C17orf67: variants seen among roughly 807,000 people sequenced by gnomAD.
C17orf67 encodes uncharacterized protein C17orf67.
Under a neutral mutation model 11.2 loss-of-function variants are expected in C17orf67, and 12 were observed. That is an observed-to-expected ratio of 1.07 (90% CI 0.68 to 1.73). The LOEUF is 1.73. Among genes scored for constraint, C17orf67 ranks in the 40% most tolerant of loss-of-function variants. C17orf67 has a pLI of 0.00. For missense variants in C17orf67, 115 were observed against 113.5 expected, an observed-to-expected ratio of 1.01 and a Z score of -0.06; for synonymous variants, 59 against 46.9, an observed-to-expected ratio of 1.26 and a Z score of -1.05.
chr17:56,815,804 T>C lies in C17orf67; in HGVS notation c.7A>G (p.Thr3Ala), dbSNP rs752802870. The C allele has an allele frequency of 8.7e-6, 14 of 1,613,946 alleles. No homozygotes were observed. In the Admixed American group the frequency reaches 1.5e-4, roughly 17 times the overall value. The change falls in exon 5 of 8, where the codon ACA becomes GCA. Residue 3 changes from threonine to alanine, a missense_variant. Physicochemically the swap from Thr to Ala is moderately conservative, Grantham distance 58 (BLOSUM62 0). Transcript: ENST00000397861. Reference sequence around the variant, plus strand: ...AGAGACAGCACGAGCACAGGCAATGTCTTCATCCTGCCTTGGTTCCTCTGC... The same window carrying C: ...AGAGACAGCACGAGCACAGGCAATGCCTTCATCCTGCCTTGGTTCCTCTGC... MK[T>A]LPVLVLSLTL...
chr17:56,830,621 A>AT lies in C17orf67; in HGVS notation c.-557+2276dup, dbSNP rs1057193819. Reference sequence around the variant, plus strand: ...CTCAATTAGCCACCACGCCTGGCTAATTTTTTTTTTGTATTTATACATTTT... The same window carrying AT: ...CTCAATTAGCCACCACGCCTGGCTAATTTTTTTTTTTGTATTTATACATTTT... On this transcript the variant is annotated intron_variant, in intron 2 of 7. Coordinates refer to ENST00000397861, the MANE Select transcript of C17orf67 (RefSeq NM_001085430.4). Among the ~76,000 whole-genome samples the AT allele has an allele frequency of 6.6e-3, 992 of 150,124 alleles. 14 individuals are homozygous for AT. The highest frequency in any genetic ancestry group is 0.023 in the African/African-American group (925 of 41,098).
chr17:56,814,098 CATGGA>C (rs1270478824), intron 6 of C17orf67, among the ~76,000 whole-genome samples: 1 of 152,206 alleles, frequency 6.6e-6, no homozygotes, highest in Admixed American at 6.5e-5. Flanking sequence ...TGAGCCTCAA[CATGGA>C]GATTCAGGGA....
intron 4 of C17orf67, among the ~76,000 whole-genome samples, chr17:56,819,276 C>G (rs1905840444): frequency 6.6e-6 from 1 of 152,122 alleles, no homozygotes; most frequent in Non-Finnish European, 1.5e-5. Context: ...ATGACTGGAT[C>G]TATCTCATCC....
intron 6 of C17orf67, among the ~76,000 whole-genome samples, chr17:56,804,539 T>C (rs1027473825): frequency 2.0e-5 from 3 of 152,130 alleles, no homozygotes; most frequent in African/African-American, 7.2e-5. Flanking sequence ...TTTGAGGTAA[T>C]GGGGAACAAA....
At chr17:56,814,343 G>A (rs1251249691) in intron 6 of C17orf67, among the ~76,000 whole-genome samples, 1 of 152,190 alleles carries the variant, frequency 6.6e-6, no homozygotes, top group Non-Finnish European at 1.5e-5. Context: ...CTCACAGAGG[G>A]AGCCTGGTTC....
chr17:56,820,948 C>T (rs1190512930), intron 4 of C17orf67, among the ~76,000 whole-genome samples: 2 of 151,984 alleles, frequency 1.3e-5, no homozygotes, highest in African/African-American at 2.4e-5. Flanking sequence ...CTTGCTCTGT[C>T]GCCCAGGCTG....
chr17:56,831,171 T>G (rs1906189625), intron 2 of C17orf67, among the ~76,000 whole-genome samples: 1 of 150,894 alleles, frequency 6.6e-6, no homozygotes, highest in South Asian at 2.1e-4. Context: ...CATTCAAGGG[T>G]GAGAATGGTG....
At chr17:56,819,674 G>A (rs571492891) in intron 4 of C17orf67, among the ~76,000 whole-genome samples, 1 of 152,148 alleles carries the variant, frequency 6.6e-6, no homozygotes, top group African/African-American at 2.4e-5. Flanking sequence ...AGAAGCGAGA[G>A]GGGGAGGAAT....
chr17:56,813,995 A>G (rs1482095590), intron 6 of C17orf67, among the ~76,000 whole-genome samples: 1 of 152,186 alleles, frequency 6.6e-6, no homozygotes, highest in African/African-American at 2.4e-5. Flanking sequence ...TCACTGTGCA[A>G]TACTATATCT....
At chr17:56,810,247 T>A in intron 6 of C17orf67, among the ~76,000 whole-genome samples, 1 of 131,790 alleles carries the variant, frequency 7.6e-6, no homozygotes, top group Non-Finnish European at 1.6e-5. Flanking sequence ...CTCACACACA[T>A]GCATCGCTCT....
intron 6 of C17orf67, among the ~76,000 whole-genome samples, chr17:56,801,944 T>A (rs898319723): frequency 6.6e-6 from 1 of 152,086 alleles, no homozygotes; most frequent in African/African-American, 2.4e-5. Context: ...AAGCTAAGAG[T>A]CTGAGTCTCC....
chr17:56,812,868 AG>A (rs1905664314), intron 6 of C17orf67, among the ~76,000 whole-genome samples: 1 of 152,192 alleles, frequency 6.6e-6, no homozygotes, highest in Non-Finnish European at 1.5e-5. Context: ...CACACAAAAC[AG>A]GGTTTTAGGG....
chr17:56,813,480 C>G (rs1223952854), intron 6 of C17orf67, among the ~76,000 whole-genome samples: 1 of 151,932 alleles, frequency 6.6e-6, no homozygotes. Flanking sequence ...TCTCTAACAC[C>G]CAGATCTGTA....
chr17:56,815,089 C>T, intron 5 of C17orf67, 120 bp from the exon 6 acceptor site: 4 of 820,504 alleles, frequency 4.9e-6, no homozygotes, highest in Non-Finnish European at 8.4e-6. Flanking sequence ...AAGTTCTTTC[C>T]CGGGGACCTG....
intron 6 of C17orf67, among the ~76,000 whole-genome samples, chr17:56,811,265 G>A (rs1348892286): frequency 6.6e-6 from 1 of 152,124 alleles, no homozygotes; most frequent in Non-Finnish European, 1.5e-5. Flanking sequence ...GAAAAAACTA[G>A]GCTTCCAAAA....
chr17:56,801,014 A>G (rs1905308207), intron 6 of C17orf67, among the ~76,000 whole-genome samples: 1 of 152,202 alleles, frequency 6.6e-6, no homozygotes, highest in African/African-American at 2.4e-5. Context: ...GTGCCACCGC[A>G]CTCCAGCGCA....
chr17:56,817,637 C>A (rs2144138430), intron 4 of C17orf67, among the ~76,000 whole-genome samples: 1 of 151,232 alleles, frequency 6.6e-6, no homozygotes, highest in East Asian at 2.0e-4. Context: ...TTCTTCCTTG[C>A]AGAGATAGGG....
At chr17:56,823,387 A>G (rs894380796) in intron 4 of C17orf67, among the ~76,000 whole-genome samples, 1 of 152,182 alleles carries the variant, frequency 6.6e-6, no homozygotes, top group African/African-American at 2.4e-5. Flanking sequence ...CATGAAAAGT[A>G]AAGACAAAAA....
chr17:56,831,261 G>A (rs922582948), intron 2 of C17orf67, among the ~76,000 whole-genome samples: 7 of 152,088 alleles, frequency 4.6e-5, no homozygotes, highest in Admixed American at 2.6e-4. Flanking sequence ...GCCAGAGACC[G>A]AGAGACTCAC....
Sources: allele counts gnomAD v4.1 joint callset (sites outside exome capture counted in the v4.1 genomes callset), GRCh38; gene constraint gnomAD v4.1.1; transcripts MANE v1.5; gene names NCBI Gene and HGNC (gene_info 2026-07-23, HGNC 2026-07-21).